The following KITLG variants were observed in gnomAD, a reference collection of about 807,000 sequenced individuals.
KITLG encodes the protein c-Kit ligand.
KITLG carries 13 observed loss-of-function variants against 34.1 expected under a neutral mutation model. That is an observed-to-expected ratio of 0.38 (90% CI 0.25 to 0.61). The LOEUF (loss-of-function observed/expected upper bound fraction) is 0.61, where lower values mean the gene tolerates loss of function less well. Ranked by LOEUF, KITLG falls within the 20% of genes least tolerant of loss-of-function variation. The pLI is 0.60. For synonymous variants in KITLG, 110 were observed against 104.0 expected, an observed-to-expected ratio of 1.06 and a Z score of -0.35; for missense variants, 292 against 318.9, an observed-to-expected ratio of 0.92 and a Z score of 0.64.
intron 6 of KITLG, among the ~76,000 whole-genome samples, chr12:88,511,220 T>C (rs1239353104): frequency 6.6e-6 from 1 of 152,222 alleles, no homozygotes; most frequent in Non-Finnish European, 1.5e-5. Flanking sequence ...AGACTTTTGT[T>C]TCCAAATACG....
chr12:88,545,704 G>A (rs754787100), intron 2 of KITLG, 48 bp downstream of exon 2: 1 of 1,064,458 alleles, frequency 9.4e-7, no homozygotes, highest in East Asian at 2.4e-5. Context: ...ACAGGAAAAA[G>A]AGCCACAGCT....
At chr12:88,541,827 T>A (rs554506299) in intron 2 of KITLG, among the ~76,000 whole-genome samples, 202 of 151,228 alleles carry the variant, frequency 1.3e-3, no homozygotes, top group African/African-American at 3.8e-3. Flanking sequence ...AAAAAAAAAA[T>A]TTGACATTAA....
At chr12:88,556,808 C>G (rs1871112053) in intron 1 of KITLG, among the ~76,000 whole-genome samples, 1 of 151,986 alleles carries the variant, frequency 6.6e-6, no homozygotes, top group Non-Finnish European at 1.5e-5. Context: ...AGAGGGAAAT[C>G]AGTTGATTGT....
At chr12:88,575,351 CT>C (rs1871793043) in intron 1 of KITLG, among the ~76,000 whole-genome samples, 1 of 152,102 alleles carries the variant, frequency 6.6e-6, no homozygotes, top group Non-Finnish European at 1.5e-5. Context: ...AACAGTCTTC[CT>C]TTAGATGACA....
intron 3 of KITLG, among the ~76,000 whole-genome samples, chr12:88,522,028 A>G (rs1461730124): frequency 1.3e-5 from 2 of 152,192 alleles, no homozygotes; most frequent in African/African-American, 4.8e-5. Flanking sequence ...TAGGAATTTT[A>G]AAGTACCATG....
chr12:88,564,508 G>A (rs1158197079), intron 1 of KITLG, among the ~76,000 whole-genome samples: 2 of 152,072 alleles, frequency 1.3e-5, no homozygotes, highest in East Asian at 1.9e-4. Flanking sequence ...GATGTACTTC[G>A]GCTGCTGTAT....
At chr12:88,503,626 C>G (rs534434523) in intron 9 of KITLG, among the ~76,000 whole-genome samples, 2 of 152,080 alleles carry the variant, frequency 1.3e-5, no homozygotes, top group Admixed American at 1.3e-4. Context: ...TGGGTCTTCC[C>G]GCAACAGTAT....
intron 2 of KITLG, among the ~76,000 whole-genome samples, chr12:88,544,530 C>T (rs577768728): frequency 6.6e-6 from 1 of 151,684 alleles, no homozygotes; most frequent in Non-Finnish European, 1.5e-5. Flanking sequence ...AAAAGTACTC[C>T]CCCCTCACCC....
intron 1 of KITLG, among the ~76,000 whole-genome samples, chr12:88,560,103 G>T (rs1350756707): frequency 2.0e-5 from 3 of 152,180 alleles, no homozygotes; most frequent in African/African-American, 7.2e-5. Context: ...CAGTTTTCTT[G>T]TGATGATAAC....
At chr12:88,520,674 A>G (rs1320741231) in intron 3 of KITLG, among the ~76,000 whole-genome samples, 1 of 151,548 alleles carries the variant, frequency 6.6e-6, no homozygotes, top group African/African-American at 2.4e-5. Flanking sequence ...TACTTTGTTC[A>G]TTTTGCTTTT....
intron 2 of KITLG, among the ~76,000 whole-genome samples, chr12:88,536,547 G>A (rs1051194754): frequency 6.6e-6 from 1 of 152,136 alleles, no homozygotes; most frequent in Non-Finnish European, 1.5e-5. Flanking sequence ...TATGTTTATT[G>A]CGGCACTATT....
intron 4 of KITLG, among the ~76,000 whole-genome samples, chr12:88,518,073 G>A (rs1005458488): frequency 2.0e-5 from 3 of 151,974 alleles, no homozygotes; most frequent in East Asian, 1.9e-4. Context: ...ACCTAACGTC[G>A]ACCCTGTTAG....
At chr12:88,505,134 A>G in intron 9 of KITLG, 25 bp downstream of exon 9, 3 of 1,261,114 alleles carry the variant, frequency 2.4e-6, no homozygotes, top group South Asian at 1.3e-5. Flanking sequence ...AAAAGAAAAA[A>G]AAAGGAAAGA....
rs187595942 is a variant in KITLG at position 88,496,852 on chromosome 12, G to A, written c.*367C>T. ...TTGTATCTGAAGAATAAAGCTAGGT[G>A]TTTTTTCAGCATTTAGACATTTCTG... On this transcript the variant is annotated 3_prime_UTR_variant, in exon 10 of 10. Transcript: ENST00000644744. 6.5e-6 allele frequency: 1 copy of A among 154,546 alleles called. No individual in the cohort carries two copies. The highest frequency in any genetic ancestry group is 2.4e-5 in the African/African-American group (1 of 41,572). 9.6% of individuals were successfully genotyped at this position (154,546 alleles called of 1,614,324 possible). A position where few individuals can be genotyped will look rare whatever the true frequency, so the allele number is the denominator to read the frequency against.
rs192769541 is a variant in KITLG, at chr12:88,562,791, T to C, written c.16-16926A>G. 8.1e-3 allele frequency among the ~76,000 whole-genome samples: 1,239 copies of C among 152,254 alleles called. 13 individuals are homozygous for C. Among genetic ancestry groups the C allele is most frequent in the Non-Finnish European group, 0.012 (783 of 68,014 alleles). On this transcript the variant is annotated intron_variant, in intron 1 of 9. Coordinates refer to ENST00000644744, the MANE Select transcript of KITLG (RefSeq NM_000899.5). ...GGGCAGGGACAACGTAAATAGACAA[T>C]TTTAATGAATGAACAATCATTGAAA...
intron 1 of KITLG, among the ~76,000 whole-genome samples, chr12:88,553,964 C>T (rs992410008): frequency 1.3e-5 from 2 of 152,138 alleles, no homozygotes; most frequent in Non-Finnish European, 2.9e-5. Context: ...AAAGGTCTTG[C>T]TTAATTTTCA....
At chr12:88,553,860 GAGCAGACAGT>G (rs946474152) in intron 1 of KITLG, among the ~76,000 whole-genome samples, 4 of 152,146 alleles carry the variant, frequency 2.6e-5, no homozygotes, top group African/African-American at 9.7e-5. Flanking sequence ...CCTTTTCTGG[GAGCAGACAGT>G]AGCAGACAGT....
chr12:88,532,980 A>G (rs1870155712), intron 2 of KITLG, among the ~76,000 whole-genome samples: 3 of 152,192 alleles, frequency 2.0e-5, no homozygotes, highest in Non-Finnish European at 4.4e-5. Context: ...AATCTTACTT[A>G]ACAAGTCCTC....
At position 88,505,303 on chromosome 12, in the gene KITLG, G is replaced by A. The variant is rs192267590; in HGVS notation, c.783-68C>T. ...AGATTCTGAGGTACACCATGATCTC[G>A]GCATTGTAAAAGGCAGCTTTTCTGT... On this transcript the variant is annotated intron_variant, in intron 8 of 9. Transcript: ENST00000644744. The A allele has an allele frequency of 1.3e-4, 168 of 1,291,440 alleles. 1 individual carries two copies. The highest frequency in any genetic ancestry group is 1.7e-4 in the Non-Finnish European group (149 of 891,432). The allele number at this position is 1,291,440 out of a possible 1,614,324, so 80.0% of individuals were successfully genotyped here.
Sources: allele counts gnomAD v4.1 joint callset (sites outside exome capture counted in the v4.1 genomes callset), GRCh38; gene constraint gnomAD v4.1.1; transcripts MANE v1.5; gene names NCBI Gene and HGNC (gene_info 2026-07-23, HGNC 2026-07-21).